The following NCOA2 variants were observed in gnomAD, a reference collection of about 807,000 sequenced individuals.
The protein encoded by NCOA2 is class E basic helix-loop-helix protein 75.
In NCOA2, 21 loss-of-function variants were observed where a neutral mutation model predicts 145.1. That is an observed-to-expected ratio of 0.14 (90% CI 0.10 to 0.21). NCOA2 has a LOEUF of 0.21. NCOA2 is among the 10% of genes least tolerant of loss of function. The pLI is 1.00. For missense variants in NCOA2, 1,472 were observed against 1,837.6 expected (o/e 0.80, Z 3.64); for synonymous variants, 619 against 637.5 (o/e 0.97, Z 0.44).
In NCOA2 at chr8:70,268,774, C is replaced by T. The variant is rs568360658; in HGVS notation, c.-20+27970G>A. 6.6e-5 allele frequency among the ~76,000 whole-genome samples: 10 copies of T among 152,232 alleles called. No individual in the cohort carries two copies. The South Asian group carries it at 2.1e-3, about 32-fold the overall frequency. ...ACCTAACATGAATTCTGTACAAATC[C>T]TGCATTTTTAACATGGAGTAACAGT... On this transcript the variant is annotated intron_variant, in intron 2 of 22. Coordinates refer to ENST00000452400, the MANE Select transcript of NCOA2 (RefSeq NM_006540.4).
intron 2 of NCOA2, among the ~76,000 whole-genome samples, chr8:70,295,481 T>C (rs1417856738): frequency 1.3e-5 from 2 of 152,172 alleles, no homozygotes; most frequent in Non-Finnish European, 2.9e-5. Flanking sequence ...TGTAAGAACC[T>C]TCTGGGACAG....
chr8:70,420,833 C>T, the NCOA2 span, among the ~76,000 whole-genome samples: 2 of 151,966 alleles, frequency 1.3e-5, no homozygotes, highest in African/African-American at 4.8e-5. Flanking sequence ...TTAGTAGAGA[C>T]GGGGTTTCAC....
At chr8:70,422,096 GA>G in the NCOA2 span, among the ~76,000 whole-genome samples, 43 of 141,486 alleles carry the variant, frequency 3.0e-4, no homozygotes, top group East Asian at 4.0e-4. Flanking sequence ...CTCCGGTCTC[GA>G]AAAAAAAAAA....
the NCOA2 span, among the ~76,000 whole-genome samples, chr8:70,429,778 T>C: frequency 1.7e-3 from 252 of 152,358 alleles, 2 homozygotes; most frequent in African/African-American, 5.6e-3. Flanking sequence ...AAGTGATTTG[T>C]ACACTCAAAA....
At chr8:70,278,514 G>C (rs1750688331) in intron 2 of NCOA2, among the ~76,000 whole-genome samples, 2 of 152,048 alleles carry the variant, frequency 1.3e-5, no homozygotes, top group Non-Finnish European at 1.5e-5. Context: ...CCTTCCCTTA[G>C]AAGTCAGTCA....
At chr8:70,233,853 T>C (rs555530061) in intron 2 of NCOA2, among the ~76,000 whole-genome samples, 110 of 152,308 alleles carry the variant, frequency 7.2e-4, no homozygotes, top group African/African-American at 2.4e-3. Context: ...AAATTATTTT[T>C]AACAGCTTTA....
At chr8:70,277,702 TATC>T (rs1484652330) in intron 2 of NCOA2, among the ~76,000 whole-genome samples, 1 of 152,188 alleles carries the variant, frequency 6.6e-6, no homozygotes, top group African/African-American at 2.4e-5. Context: ...ATTTCTTAAT[TATC>T]AGGGTACTCA....
chr8:70,255,640 G>A (rs1823576471), intron 2 of NCOA2, among the ~76,000 whole-genome samples: 2 of 152,094 alleles, frequency 1.3e-5, no homozygotes, highest in African/African-American at 4.8e-5. Flanking sequence ...CATATGCTGT[G>A]GTTACCTCCT....
Position 70,156,584 on chromosome 8 carries a change from T to G in NCOA2, c.1781A>C (p.Glu594Ala). The change falls in exon 11 of 23, where the codon GAA becomes GCA. Residue 594 changes from glutamate to alanine, a missense_variant. Transcript: ENST00000452400. ...GCTCTCTGCTTGTCCAGTTGTACCT[T>G]CAGAGGGCTCCCCATATAGTCCAAA... Reference protein sequence around the residue: ...DCFGLYGEPSEGTTGQAESSC... With the variant: ...DCFGLYGEPSAGTTGQAESSC... 1 of 1,613,946 alleles carries G rather than the reference T, an allele frequency of 6.2e-7. No homozygotes were observed. The highest frequency in any genetic ancestry group is 8.5e-7 in the Non-Finnish European group (1 of 1,179,870).
the NCOA2 span, among the ~76,000 whole-genome samples, chr8:70,454,073 TG>T: frequency 6.6e-6 from 1 of 152,216 alleles, no homozygotes; most frequent in Non-Finnish European, 1.5e-5. Context: ...GACTAAGCCT[TG>T]AAAATAGTTT....
chr8:70,122,575 A>T (rs1354708120), intron 21 of NCOA2, among the ~76,000 whole-genome samples: 1 of 152,190 alleles, frequency 6.6e-6, no homozygotes, highest in Non-Finnish European at 1.5e-5. Context: ...GTATTTCTTT[A>T]TGTCTGCTTA....
intron 22 of NCOA2, among the ~76,000 whole-genome samples, chr8:70,118,459 A>C (rs1807394588): frequency 6.6e-6 from 1 of 152,136 alleles, no homozygotes; most frequent in Non-Finnish European, 1.5e-5. Context: ...TATACAGACA[A>C]CATCTACAGG....
At chr8:70,390,788 A>C (rs562354423) in intron 1 of NCOA2, among the ~76,000 whole-genome samples, 17 of 152,066 alleles carry the variant, frequency 1.1e-4, no homozygotes, top group East Asian at 1.9e-4. Context: ...ATAATAAATA[A>C]ATACATACAT....
intron 4 of NCOA2, among the ~76,000 whole-genome samples, chr8:70,188,681 A>G (rs1390919020): frequency 6.6e-6 from 1 of 152,224 alleles, no homozygotes; most frequent in Non-Finnish European, 1.5e-5. Flanking sequence ...TCAGTCTGAA[A>G]AGTGGAATGA....
intron 1 of NCOA2, among the ~76,000 whole-genome samples, chr8:70,375,587 A>G (rs559533877): frequency 1.3e-5 from 2 of 152,338 alleles, no homozygotes; most frequent in South Asian, 4.1e-4. Flanking sequence ...TGTTAAATAT[A>G]CACATCTCAG....
the NCOA2 span, among the ~76,000 whole-genome samples, chr8:70,450,380 T>C: frequency 6.6e-6 from 1 of 152,142 alleles, no homozygotes; most frequent in African/African-American, 2.4e-5. Flanking sequence ...CATGTGAAGA[T>C]ATAGCAAGAA....
At chr8:70,371,411 A>G (rs1354484203) in intron 1 of NCOA2, among the ~76,000 whole-genome samples, 4 of 152,206 alleles carry the variant, frequency 2.6e-5, no homozygotes, top group Non-Finnish European at 5.9e-5. Context: ...ATACAAAATA[A>G]AATAAAATAA....
At chr8:70,181,967 G>A (rs544136376) in intron 4 of NCOA2, among the ~76,000 whole-genome samples, 6 of 152,122 alleles carry the variant, frequency 3.9e-5, no homozygotes, top group Non-Finnish European at 2.9e-5. Flanking sequence ...CATCTCCAAG[G>A]TTCTAGAAGG....
chr8:70,446,043 T>C, the NCOA2 span, among the ~76,000 whole-genome samples: 1 of 152,044 alleles, frequency 6.6e-6, no homozygotes, highest in East Asian at 1.9e-4. Context: ...AATTCTACTT[T>C]TTTTTTTTCC....
Sources: allele counts gnomAD v4.1 joint callset (sites outside exome capture counted in the v4.1 genomes callset), GRCh38; gene constraint gnomAD v4.1.1; transcripts MANE v1.5; gene names NCBI Gene and HGNC (gene_info 2026-07-23, HGNC 2026-07-21).